SLC24A4: variants seen among roughly 807,000 people sequenced by gnomAD.
SLC24A4 encodes solute carrier family 24 member 4, also known as sodium/potassium/calcium exchanger 4.
In SLC24A4, 53 loss-of-function variants were observed where a neutral mutation model predicts 79.0. That is an observed-to-expected ratio of 0.67 (90% CI 0.54 to 0.84). The LOEUF is 0.84. SLC24A4 is among the 40% of genes least tolerant of loss of function. The pLI, the probability that SLC24A4 is intolerant of heterozygous loss-of-function variation, is 0.00. For synonymous variants in SLC24A4, 323 were observed against 323.8 expected (o/e 1.00, Z 0.03); for missense variants, 731 against 822.0 (o/e 0.89, Z 1.35).
chr14:92,355,454 T>C (rs1566709202), intron 2 of SLC24A4, among the ~76,000 whole-genome samples: 1 of 152,198 alleles, frequency 6.6e-6, no homozygotes, highest in African/African-American at 2.4e-5. Flanking sequence ...AAGGACGAGC[T>C]GACTTACCCA....
rs1253311938 is a variant in SLC24A4 at position 92,468,982 on chromosome 14, A to G, written c.1255+12374A>G. Among the ~76,000 whole-genome samples the G allele has an allele frequency of 2.6e-5, 4 of 152,170 alleles. 1 individual carries two copies. In the Middle Eastern group the frequency reaches 0.01, roughly 391 times the overall value. On this transcript the variant is annotated intron_variant, in intron 12 of 16. Coordinates refer to ENST00000532405, the MANE Select transcript of SLC24A4 (RefSeq NM_153646.4). Reference sequence around the variant, plus strand: ...AGACAATCCAATTTGAAAATGGACAAAAGATTTGAACAGACATTTCTCCAA... The same window carrying G: ...AGACAATCCAATTTGAAAATGGACAGAAGATTTGAACAGACATTTCTCCAA...
At chr14:92,381,239 T>C (rs1308296172) in intron 2 of SLC24A4, among the ~76,000 whole-genome samples, 3 of 152,204 alleles carry the variant, frequency 2.0e-5, no homozygotes, top group Non-Finnish European at 4.4e-5. Context: ...CACCATGGAA[T>C]ACTATGCAGC....
At chr14:92,362,772 TG>T in intron 2 of SLC24A4, among the ~76,000 whole-genome samples, 1 of 152,386 alleles carries the variant, frequency 6.6e-6, no homozygotes, top group South Asian at 2.1e-4. Context: ...AGTGCTTTTC[TG>T]GTGCCTGGGC....
At chr14:92,491,863 G>A (rs1008809823) in intron 15 of SLC24A4, 86 bp downstream of exon 15, 68 of 1,043,660 alleles carry the variant, frequency 6.5e-5, no homozygotes, top group Non-Finnish European at 9.8e-5. Flanking sequence ...TCTAGGAGAC[G>A]ACCTCCTCCT....
intron 2 of SLC24A4, among the ~76,000 whole-genome samples, chr14:92,419,324 C>T (rs1891154094): frequency 6.6e-6 from 1 of 152,154 alleles, no homozygotes; most frequent in Non-Finnish European, 1.5e-5. Flanking sequence ...AAGCAGCAAC[C>T]ACTCACTCTG....
At position 92,389,782 on chromosome 14, in the gene SLC24A4, C is replaced by G. The variant is rs1008992739; in HGVS notation, c.242-44130C>G. On this transcript the variant is annotated intron_variant, in intron 2 of 16. Transcript: ENST00000532405. ...CAGAAGCCTGGCCTTGTCCCTGCCC[C>G]CAAGCCCCAGGGGCCCGCCTGGCCT... Among the ~76,000 whole-genome samples, 11 of 152,200 alleles carry G rather than the reference C, an allele frequency of 7.2e-5. No individual in the cohort carries two copies. In the East Asian group the frequency reaches 2.1e-3, roughly 29 times the overall value.
intron 2 of SLC24A4, among the ~76,000 whole-genome samples, chr14:92,416,345 G>A (rs1426282910): frequency 6.6e-6 from 1 of 152,086 alleles, no homozygotes; most frequent in African/African-American, 2.4e-5. Context: ...AAGGGGACTC[G>A]GTGCAAAGGA....
intron 2 of SLC24A4, among the ~76,000 whole-genome samples, chr14:92,381,327 G>A (rs1244865069): frequency 2.8e-5 from 4 of 144,500 alleles, no homozygotes; most frequent in East Asian, 4.8e-4. Flanking sequence ...AAACTAACAC[G>A]GAAACAGAAA....
intron 9 of SLC24A4, among the ~76,000 whole-genome samples, chr14:92,448,380 A>ACACACACACACACAC (rs60919801): frequency 4.9e-4 from 74 of 150,282 alleles, no homozygotes; most frequent in Admixed American, 7.3e-4. Flanking sequence ...ACACACACAC[A>ACACACACACACACAC]AATCCCTACT....
intron 9 of SLC24A4, 26 bp downstream of exon 9, chr14:92,447,450 G>A (rs1305423945): frequency 1.9e-6 from 3 of 1,610,010 alleles, no homozygotes; most frequent in Non-Finnish European, 2.5e-6. Flanking sequence ...CCTCCCCGGG[G>A]CTGCCGACGC....
chr14:92,433,986 G>A lies in SLC24A4; in HGVS notation c.316G>A (p.Gly106Ser). The change falls in exon 3 of 17, where the codon GGT (glycine) becomes AGT (serine). Residue 106 changes from glycine to serine, a missense_variant and splice_region_variant. Physicochemically the swap from Gly to Ser is moderately conservative, Grantham distance 56. Coordinates refer to ENST00000532405, the MANE Select transcript of SLC24A4 (RefSeq NM_153646.4). ...CGGAGCCGTCCTGCTGCACATCCTT[G>A]GTGTAAGTCGTCCTCCCAGAGTGGT... ...QHGAVLLHILGALYMFYALAI... is the reference protein window; with the variant it reads ...QHGAVLLHILSALYMFYALAI... 6.2e-7 allele frequency: 1 copy of A among 1,613,896 alleles called. No homozygotes were observed. Among genetic ancestry groups the A allele is most frequent in the Non-Finnish European group, 8.5e-7 (1 of 1,179,748 alleles).
chr14:92,447,524 G>T, intron 9 of SLC24A4, 100 bp downstream of exon 9: 2 of 1,182,196 alleles, frequency 1.7e-6, no homozygotes, highest in Non-Finnish European at 2.5e-6. Flanking sequence ...TCAGATCTTT[G>T]TCCTTTTAGG....
At position 92,439,546 on chromosome 14, in the gene SLC24A4, C is replaced by A. The variant is rs899070379; in HGVS notation, c.393+137C>A. On this transcript the variant is annotated intron_variant, in intron 4 of 16. Transcript: ENST00000532405. ...TGTCACACCGAGCACTTAGTGTCTG[C>A]CCCATGGCGAAGCCTCGCCAGAAAC... The A allele has an allele frequency of 7.6e-6, 6 of 784,572 alleles. No individual in the cohort carries two copies. The Admixed American group carries it at 1.3e-4, about 17-fold the overall frequency. The allele number at this position is 784,572 out of a possible 1,614,324, so 48.6% of individuals were successfully genotyped here.
chr14:92,428,400 T>C (rs1891681778), intron 2 of SLC24A4, among the ~76,000 whole-genome samples: 1 of 152,202 alleles, frequency 6.6e-6, no homozygotes, highest in Non-Finnish European at 1.5e-5. Context: ...GTGCACAGCC[T>C]GCGCACCCAT....
At chr14:92,383,300 C>G (rs1888959801) in intron 2 of SLC24A4, among the ~76,000 whole-genome samples, 3 of 152,156 alleles carry the variant, frequency 2.0e-5, no homozygotes. Context: ...TCCTGCACAC[C>G]CCTCTGTGTG....
At chr14:92,379,768 G>A (rs1414040714) in intron 2 of SLC24A4, among the ~76,000 whole-genome samples, 2 of 152,142 alleles carry the variant, frequency 1.3e-5, no homozygotes, top group South Asian at 2.1e-4. Flanking sequence ...TGAAACTCAC[G>A]TGCCTCCTGC....
At chr14:92,394,287 A>G (rs1889650571) in intron 2 of SLC24A4, among the ~76,000 whole-genome samples, 1 of 152,018 alleles carries the variant, frequency 6.6e-6, no homozygotes, top group African/African-American at 2.4e-5. Flanking sequence ...TTCATTTGTA[A>G]TGTTTTTAAA....
At chr14:92,343,533 CTG>C (rs1886287587) in intron 2 of SLC24A4, among the ~76,000 whole-genome samples, 1 of 152,192 alleles carries the variant, frequency 6.6e-6, no homozygotes, top group African/African-American at 2.4e-5. Flanking sequence ...TCTGCTGCCT[CTG>C]GGGTTGAAGT....
At chr14:92,442,955 T>C (rs759720688) in intron 6 of SLC24A4, 139 bp downstream of exon 6, 1 of 681,996 alleles carries the variant, frequency 1.5e-6, no homozygotes, top group Non-Finnish European at 2.5e-6. Context: ...TGGGGCCTGG[T>C]TTTGGCCTCT....
Sources: allele counts gnomAD v4.1 joint callset (sites outside exome capture counted in the v4.1 genomes callset), GRCh38; gene constraint gnomAD v4.1.1; transcripts MANE v1.5; gene names NCBI Gene and HGNC (gene_info 2026-07-23, HGNC 2026-07-21).